ARID3A: variants seen among roughly 807,000 people sequenced by gnomAD.
ARID3A encodes the protein AT-rich interaction domain 3A.
A neutral mutation model predicts 52.7 loss-of-function variants in ARID3A; 11 were observed. The ratio of observed to expected loss-of-function variants is 0.21; its 90% CI spans 0.13 to 0.35. The LOEUF is 0.35. Among genes scored for constraint, ARID3A ranks in the 10% least tolerant of loss-of-function variants. The pLI, the probability that ARID3A is intolerant of heterozygous loss-of-function variation, is 1.00. For missense variants in ARID3A, 721 were observed against 838.5 expected (o/e 0.86, Z 1.73); for synonymous variants, 404 against 359.4 (o/e 1.12, Z -1.40).
At chr19:948,317 A>G (rs750654633) in intron 3 of ARID3A, among the ~76,000 whole-genome samples, 31 of 151,848 alleles carry the variant, frequency 2.0e-4, no homozygotes, top group Non-Finnish European at 3.4e-4. Flanking sequence ...GTGGACTGAC[A>G]GCCCCGTGTG....
intron 3 of ARID3A, among the ~76,000 whole-genome samples, chr19:949,707 C>T (rs1290147770): frequency 1.1e-4 from 15 of 135,394 alleles, no homozygotes; most frequent in Admixed American, 5.9e-4. Context: ...GATGGAGTCT[C>T]GCTCTGTCGC....
intron 2 of ARID3A, among the ~76,000 whole-genome samples, chr19:931,462 A>G (rs1423071538): frequency 7.3e-5 from 11 of 150,990 alleles, no homozygotes; most frequent in Non-Finnish European, 1.5e-4. Context: ...AAAAAAAAAA[A>G]AAAAACAACC....
Position 942,171 on chromosome 19 carries a change from C to A in ARID3A, c.693+9429C>A, listed in dbSNP as rs958287752. ...TATGGACAGGGCCGCTGGGGGTGCA[C>A]CCCCACCCTCTCCGACCCCGAGGAG... On this transcript the variant is annotated intron_variant, in intron 3 of 8. Transcript: ENST00000263620. The surrounding 1 kb of genome is among the most constrained non-coding windows in gnomAD (Gnocchi z 8.1). 1.3e-5 allele frequency among the ~76,000 whole-genome samples: 2 copies of A among 152,136 alleles called. No individual in the cohort carries two copies. Among genetic ancestry groups the A allele is most frequent in the African/African-American group, 4.8e-5 (2 of 41,442 alleles).
intron 3 of ARID3A, among the ~76,000 whole-genome samples, chr19:951,962 C>T (rs2037810454): frequency 6.6e-6 from 1 of 151,530 alleles, no homozygotes; most frequent in African/African-American, 2.4e-5. Context: ...ATGGTGAAAC[C>T]CCGTCTCTGC....
At position 964,500 on chromosome 19, in the gene ARID3A, G is replaced by A; in HGVS notation, c.950+69G>A. On this transcript the variant is annotated intron_variant, in intron 5 of 8. Coordinates refer to ENST00000263620, the MANE Select transcript of ARID3A (RefSeq NM_005224.3). This position sits in a 1 kb window ranked among gnomAD's most constrained non-coding sequence, Gnocchi z 5.7. ...GAGCAGCCAGTGCAAGGGGCCTGCA[G>A]AAGAGGGAGGGGGTGGTGGGCAGCT... The A allele has an allele frequency of 6.7e-7, 1 of 1,489,326 alleles. No individual in the cohort carries two copies. Among genetic ancestry groups the A allele is most frequent in the Non-Finnish European group, 9.0e-7 (1 of 1,112,042 alleles). The allele number at this position is 1,489,326 out of a possible 1,614,324, so 92.3% of individuals were successfully genotyped here. A position where few individuals can be genotyped will look rare whatever the true frequency, so the allele number is the denominator to read the frequency against.
chr19:931,065 G>A (rs2037317104), intron 2 of ARID3A, among the ~76,000 whole-genome samples: 1 of 152,076 alleles, frequency 6.6e-6, no homozygotes, highest in Non-Finnish European at 1.5e-5. Flanking sequence ...AGGCCGAGGT[G>A]GGAGGATTGC....
chr19:934,816 C>T (rs973834819), intron 3 of ARID3A, among the ~76,000 whole-genome samples: 3 of 152,102 alleles, frequency 2.0e-5, no homozygotes, highest in Non-Finnish European at 4.4e-5. Context: ...CGGTGTTGCC[C>T]AGGTTGGTCT....
At chr19:970,657 A>G (rs1371284695) in intron 8 of ARID3A, among the ~76,000 whole-genome samples, 2 of 151,558 alleles carry the variant, frequency 1.3e-5, no homozygotes, top group South Asian at 4.2e-4. Context: ...GTATTTTTAG[A>G]TGATACGGGG....
At chr19:930,424 A>C (rs1244595340) in intron 2 of ARID3A, among the ~76,000 whole-genome samples, 1 of 148,126 alleles carries the variant, frequency 6.8e-6, no homozygotes, top group Non-Finnish European at 1.5e-5. Flanking sequence ...TGGTGGCAGA[A>C]GCCTGTAAAC....
rs376054734 is a variant in ARID3A, at chr19:932,757, C to A, written c.693+15C>A. 2 of 1,546,398 alleles carry A rather than the reference C, an allele frequency of 1.3e-6. No individual in the cohort carries two copies. The highest frequency in any genetic ancestry group is 1.7e-6 in the Non-Finnish European group (2 of 1,146,214). ...AGTTTAAGCAGGTGAGTGGGCGCGT[C>A]CCGCGTGGCGGCTGAGGCACCTGCT... On this transcript the variant is annotated intron_variant, in intron 3 of 8. Transcript: ENST00000263620.
In ARID3A at chr19:942,270, C is replaced by T. The variant is rs367640701; in HGVS notation, c.693+9528C>T. Among the ~76,000 whole-genome samples, 47 of 152,312 alleles carry T rather than the reference C, an allele frequency of 3.1e-4. No homozygotes were observed. The highest frequency in any genetic ancestry group is 1.1e-3 in the African/African-American group (45 of 41,580). ...CAAAGGGCTGAAGTCCAGGTCCCTT[C>T]GATGGCCCAAATTACCTGACTGTCG... On this transcript the variant is annotated intron_variant, in intron 3 of 8. Coordinates refer to ENST00000263620, the MANE Select transcript of ARID3A (RefSeq NM_005224.3). This position sits in a 1 kb window ranked among gnomAD's most constrained non-coding sequence, Gnocchi z 8.1.
In ARID3A at chr19:964,491, G is replaced by A. The variant is rs1023113901; in HGVS notation, c.950+60G>A. ...GGGCACTCTGAGCAGCCAGTGCAAGGGGCCTGCAGAAGAGGGAGGGGGTGG... is the reference window on the plus strand; with the variant it reads ...GGGCACTCTGAGCAGCCAGTGCAAGAGGCCTGCAGAAGAGGGAGGGGGTGG... On this transcript the variant is annotated intron_variant, in intron 5 of 8. Coordinates refer to ENST00000263620, the MANE Select transcript of ARID3A (RefSeq NM_005224.3). The surrounding 1 kb of genome is among the most constrained non-coding windows in gnomAD (Gnocchi z 5.7). 1.3e-6 allele frequency: 2 copies of A among 1,506,420 alleles called. No homozygotes were observed. Among genetic ancestry groups the A allele is most frequent in the African/African-American group, 1.4e-5 (1 of 72,348 alleles). The allele number at this position is 1,506,420 out of a possible 1,614,324, so 93.3% of individuals were successfully genotyped here.
At chr19:958,798 C>T (rs551022927) in intron 3 of ARID3A, among the ~76,000 whole-genome samples, 39 of 152,134 alleles carry the variant, frequency 2.6e-4, no homozygotes, top group African/African-American at 9.4e-4. Flanking sequence ...GAGGCTGAGG[C>T]AGGAGAATGG....
chr19:967,326 G>A (rs1479906343), intron 7 of ARID3A, among the ~76,000 whole-genome samples: 1 of 152,182 alleles, frequency 6.6e-6, no homozygotes, highest in African/African-American at 2.4e-5. Context: ...CCAGCACTTT[G>A]GGAGGCTGAA....
intron 3 of ARID3A, among the ~76,000 whole-genome samples, chr19:946,601 C>G (rs981196443): frequency 6.6e-6 from 1 of 151,724 alleles, no homozygotes; most frequent in Non-Finnish European, 1.5e-5. Context: ...CCACCATGCC[C>G]GGCTAATTTT....
At chr19:943,830 C>T (rs1023838009) in intron 3 of ARID3A, among the ~76,000 whole-genome samples, 3 of 152,248 alleles carry the variant, frequency 2.0e-5, no homozygotes, top group African/African-American at 7.2e-5. Flanking sequence ...CTGTGCCTCC[C>T]TGGGCACACA....
At chr19:962,335 C>T (rs966432714) in intron 4 of ARID3A, among the ~76,000 whole-genome samples, 4 of 152,146 alleles carry the variant, frequency 2.6e-5, no homozygotes, top group Non-Finnish European at 4.4e-5. Context: ...CACCCTCTCC[C>T]CTCAGCAGCA....
rs1568369632 is a variant in ARID3A, at chr19:960,186, C to G, written c.766+22C>G. ...CGAGGTGAGCCCTCTGCCCCCACCC[C>G]GCTGGAGGGAGGTCACAGAAACAGG... On this transcript the variant is annotated intron_variant, in intron 4 of 8. Coordinates refer to ENST00000263620, the MANE Select transcript of ARID3A (RefSeq NM_005224.3). The surrounding 1 kb of genome is among the most constrained non-coding windows in gnomAD (Gnocchi z 4.3). 16 of 1,597,014 alleles carry G rather than the reference C, an allele frequency of 1.0e-5. No individual in the cohort carries two copies. Among genetic ancestry groups the G allele is most frequent in the Non-Finnish European group, 1.4e-5 (16 of 1,168,684 alleles).
rs2037288591 is a variant in ARID3A at position 930,023 on chromosome 19, AGAGGCCGACGTGG to A, written c.368+132_368+144del. 3 of 1,368,048 alleles carry A rather than the reference AGAGGCCGACGTGG, an allele frequency of 2.2e-6. No individual in the cohort carries two copies. In the South Asian group the frequency reaches 4.2e-5, roughly 19 times the overall value. 84.7% of individuals were successfully genotyped at this position (1,368,048 alleles called of 1,614,324 possible). A position where few individuals can be genotyped will look rare whatever the true frequency, so the allele number is the denominator to read the frequency against. ...TCCTTCCTGTAATTCCAGCAGTTTG[AGAGGCCGACGTGG>A]GAGGATCACGTGGGCCCAGGGGTTG... On this transcript the variant is annotated intron_variant, in intron 2 of 8. Transcript: ENST00000263620.
Sources: gnomAD v4.1 joint callset for allele counts (sites outside exome capture counted in the v4.1 genomes callset) on GRCh38, gnomAD v4.1.1 for gene constraint, Gnocchi (gnomAD v3.1) non-coding constraint, MANE v1.5 for transcripts, NCBI Gene and HGNC (gene_info 2026-07-23, HGNC 2026-07-21) for gene names.